The following STX2 variants were observed in gnomAD, a reference collection of about 807,000 sequenced individuals.
STX2 encodes syntaxin-2.
In STX2, 27 loss-of-function variants were observed where a neutral mutation model predicts 40.6. The observed-to-expected ratio is 0.66, with a 90% CI of 0.49 to 0.92. STX2 has a LOEUF of 0.92. STX2 is among the 40% of genes least tolerant of loss of function. The pLI, the probability that STX2 is intolerant of heterozygous loss-of-function variation, is 0.00. For missense variants in STX2, 328 were observed against 366.1 expected (o/e 0.90, Z 0.85); for synonymous variants, 123 against 119.1 (o/e 1.03, Z -0.22).
At chr12:130,804,798 A>G (rs977080023) in intron 6 of STX2, among the ~76,000 whole-genome samples, 2 of 151,566 alleles carry the variant, frequency 1.3e-5, no homozygotes, top group African/African-American at 4.8e-5. Context: ...CCCAACACGT[A>G]TATGATACTT....
chr12:130,809,500 C>A lies in STX2; in HGVS notation c.281-796G>T, dbSNP rs1413661066. On this transcript the variant is annotated intron_variant, in intron 4 of 10. Transcript: ENST00000392373. ...CAAAGAAAAAATAAAGCAAACCTAACAGTAAGTCAAGTTAATGATATAAAC... is the reference window on the plus strand; with the variant it reads ...CAAAGAAAAAATAAAGCAAACCTAAAAGTAAGTCAAGTTAATGATATAAAC... Among the ~76,000 whole-genome samples, 3 of 152,132 alleles carry A rather than the reference C, an allele frequency of 2.0e-5. No homozygotes were observed. The East Asian group carries it at 5.8e-4, about 29-fold the overall frequency.
intron 3 of STX2, among the ~76,000 whole-genome samples, chr12:130,815,366 TC>T (rs1951820141): frequency 6.6e-6 from 1 of 152,140 alleles, no homozygotes; most frequent in Non-Finnish European, 1.5e-5. Context: ...CTCCTGTAGT[TC>T]CTGAGCGTGA....
intron 1 of STX2, among the ~76,000 whole-genome samples, chr12:130,829,433 TG>T (rs1260488181): frequency 1.3e-5 from 2 of 152,162 alleles, no homozygotes; most frequent in Non-Finnish European, 2.9e-5. Flanking sequence ...CCTGTGACTG[TG>T]ATTCCACACA....
intron 2 of STX2, among the ~76,000 whole-genome samples, chr12:130,826,853 A>C (rs1243733205): frequency 2.0e-5 from 3 of 150,252 alleles, no homozygotes; most frequent in Non-Finnish European, 4.4e-5. Flanking sequence ...GTGCAAAAAA[A>C]AAAGAATTAG....
At chr12:130,830,768 A>G (rs903320693) in intron 1 of STX2, among the ~76,000 whole-genome samples, 2 of 152,178 alleles carry the variant, frequency 1.3e-5, no homozygotes, top group African/African-American at 4.8e-5. Context: ...ATGAATGTCC[A>G]TGTTCAGTCT....
intron 2 of STX2, among the ~76,000 whole-genome samples, chr12:130,823,537 A>G (rs2136325376): frequency 1.3e-5 from 2 of 152,338 alleles, no homozygotes; most frequent in East Asian, 3.9e-4. Flanking sequence ...ACGTTGGAAG[A>G]AGGACACTTG....
At chr12:130,815,346 G>T (rs1951819520) in intron 3 of STX2, among the ~76,000 whole-genome samples, 1 of 152,150 alleles carries the variant, frequency 6.6e-6, no homozygotes, top group Admixed American at 6.5e-5. Flanking sequence ...ACAAAGAACT[G>T]GCCTCCATCC....
intron 3 of STX2, 109 bp downstream of exon 3, chr12:130,821,580 T>C: frequency 1.1e-6 from 1 of 894,518 alleles, no homozygotes; most frequent in Non-Finnish European, 1.8e-6. Context: ...CAGCATTTCA[T>C]ACAAACTCCC....
Position 130,816,562 on chromosome 12 carries a change from C to T in STX2, c.206-3531G>A, listed in dbSNP as rs955746510. 5.9e-5 allele frequency among the ~76,000 whole-genome samples: 9 copies of T among 152,178 alleles called. No individual in the cohort carries two copies. The East Asian group carries it at 1.2e-3, about 20-fold the overall frequency. ...GGGGATCAGGAACCTCCTCTTCCAGCGGCCTAGGTGATTCAGCTCAATCCT... is the reference window on the plus strand; with the variant it reads ...GGGGATCAGGAACCTCCTCTTCCAGTGGCCTAGGTGATTCAGCTCAATCCT... On this transcript the variant is annotated intron_variant, in intron 3 of 10. Transcript: ENST00000392373.
chr12:130,801,458 T>G lies in STX2; in HGVS notation c.494A>C (p.Glu165Ala), dbSNP rs751022000. 6.2e-7 allele frequency: 1 copy of G among 1,610,354 alleles called. No individual in the cohort carries two copies. Among genetic ancestry groups the G allele is most frequent in the South Asian group, 1.1e-5 (1 of 90,406 alleles). Residue 165 changes from glutamate to alanine, a missense_variant, in exon 7 of 11, where the codon GAA (glutamate) becomes GCA (alanine). By Grantham distance (107) the Glu-to-Ala change is moderately radical. Coordinates refer to ENST00000392373, the MANE Select transcript of STX2 (RefSeq NM_194356.4). ...TGRTTTDDEL[E>A]EMLESGKPSI... ...TGGCTTCCCGCTCTCCAGCATCTCT[T>G]CTAGCTCGTCGTCTGTGGTGGTTCT...
intron 5 of STX2, 57 bp from the exon 6 acceptor site, chr12:130,807,147 GA>G (rs1951467470): frequency 2.7e-6 from 4 of 1,493,902 alleles, no homozygotes; most frequent in Non-Finnish European, 3.7e-6. Context: ...TACTGAAAGT[GA>G]CATGCAAGAC....
intron 3 of STX2, among the ~76,000 whole-genome samples, chr12:130,816,888 G>A (rs1000745201): frequency 6.6e-6 from 1 of 152,190 alleles, no homozygotes; most frequent in African/African-American, 2.4e-5. Flanking sequence ...AGGAGGAACA[G>A]TCAGGTGGGA....
intron 6 of STX2, among the ~76,000 whole-genome samples, chr12:130,802,749 G>A (rs976823939): frequency 2.0e-5 from 3 of 152,058 alleles, no homozygotes; most frequent in Non-Finnish European, 4.4e-5. Context: ...TTCCACCTTG[G>A]CTTCCCAACC....
At chr12:130,821,851 C>G in intron 2 of STX2, 63 bp from the exon 3 acceptor site, 1 of 999,826 alleles carries the variant, frequency 1.0e-6, no homozygotes, top group Non-Finnish European at 1.6e-6. Flanking sequence ...TTTTCATCCC[C>G]TAAAAGGGGA....
At chr12:130,808,394 C>T (rs1393414664) in intron 5 of STX2, among the ~76,000 whole-genome samples, 1 of 152,162 alleles carries the variant, frequency 6.6e-6, no homozygotes, top group Non-Finnish European at 1.5e-5. Flanking sequence ...TCAGGAAAGG[C>T]ACAAACCACA....
chr12:130,810,625 G>C (rs938741728), intron 4 of STX2: 2 of 152,198 alleles, frequency 1.3e-5, no homozygotes, highest in African/African-American at 2.4e-5. Context: ...AAGGACTCAA[G>C]AGTCCACCCT....
intron 1 of STX2, among the ~76,000 whole-genome samples, chr12:130,833,577 AT>A (rs1217481143): frequency 6.6e-6 from 1 of 151,668 alleles, no homozygotes; most frequent in Non-Finnish European, 1.5e-5. Flanking sequence ...CCCCCAATTA[AT>A]TTTTGCATCT....
Position 130,812,764 on chromosome 12 carries a change from A to G in STX2, c.280+193T>C, listed in dbSNP as rs546825618. 5.8e-4 allele frequency: 291 copies of G among 502,930 alleles called. No homozygotes were observed. The Middle Eastern group carries it at 5.9e-3, about 10-fold the overall frequency. The allele number at this position is 502,930 out of a possible 1,614,324, so 31.2% of individuals were successfully genotyped here. A position where few individuals can be genotyped will look rare whatever the true frequency, so the allele number is the denominator to read the frequency against. The stretch of plus-strand genomic sequence containing the variant: ...GAAATGTCATCAAAAATGTAACAGT[A>G]TAACAGTTTATAAGCAAACACATAA... On this transcript the variant is annotated intron_variant, in intron 4 of 10. Coordinates refer to ENST00000392373, the MANE Select transcript of STX2 (RefSeq NM_194356.4).
chr12:130,822,642 T>C (rs921270743), intron 2 of STX2, among the ~76,000 whole-genome samples: 2 of 152,150 alleles, frequency 1.3e-5, no homozygotes, highest in Non-Finnish European at 2.9e-5. Context: ...GATGTTCAGG[T>C]CCTGATCCCT....
Sources: allele counts gnomAD v4.1 joint callset (sites outside exome capture counted in the v4.1 genomes callset), GRCh38; gene constraint gnomAD v4.1.1; transcripts MANE v1.5; gene names NCBI Gene and HGNC (gene_info 2026-07-23, HGNC 2026-07-21).